The following MAP4K2 variants were observed in gnomAD, a reference collection of about 807,000 sequenced individuals.
The protein encoded by MAP4K2 is B lymphocyte serine/threonine protein kinase.
MAP4K2 carries 85 observed loss-of-function variants against 125.3 expected under a neutral mutation model. The observed-to-expected ratio is 0.68, with a 90% CI of 0.57 to 0.81. The LOEUF (loss-of-function observed/expected upper bound fraction) is 0.81, where lower values mean the gene tolerates loss of function less well. MAP4K2 is among the 40% of genes least tolerant of loss of function. The pLI, the probability that MAP4K2 is intolerant of heterozygous loss-of-function variation, is 0.00. For synonymous variants in MAP4K2, 479 were observed against 445.1 expected, an observed-to-expected ratio of 1.08 and a Z score of -0.96; for missense variants, 923 against 1,056.4, an observed-to-expected ratio of 0.87 and a Z score of 1.75.
chr11:64,789,374 T>A lies in MAP4K2; in HGVS notation c.*163A>T. The A allele has an allele frequency of 1.6e-6, 1 of 638,018 alleles. No homozygotes were observed. 39.5% of individuals were successfully genotyped at this position (638,018 alleles called of 1,614,324 possible). A position where few individuals can be genotyped will look rare whatever the true frequency, so the allele number is the denominator to read the frequency against. ...ATTGCAGAGGCGTCGGGGGCTCCCC[T>A]CCCTCCCCAGGCCTGAAACATTTCT... On this transcript the variant is annotated 3_prime_UTR_variant, in exon 32 of 32. Transcript: ENST00000294066.
rs1419203936 is a variant in MAP4K2, at chr11:64,803,179, G to C, written c.-30C>G. 6.6e-6 allele frequency: 7 copies of C among 1,061,246 alleles called. No homozygotes were observed. The highest frequency in any genetic ancestry group is 8.1e-6 in the Non-Finnish European group (7 of 868,582). 65.7% of individuals were successfully genotyped at this position (1,061,246 alleles called of 1,614,324 possible). On this transcript the variant is annotated 5_prime_UTR_variant, in exon 1 of 32. Coordinates refer to ENST00000294066, the MANE Select transcript of MAP4K2 (RefSeq NM_004579.5). ...CGGCGCCGGGCGGGCCGGCAGGCGG[G>C]CGGGCGCGAGCTGCGGAGCCGGCGC... is the stretch of plus-strand genomic sequence containing the variant.
chr11:64,799,646 CCCCGG>C lies in MAP4K2; in HGVS notation c.948_952del (p.Arg317AlafsTer28). The C allele has an allele frequency of 6.2e-7, 1 of 1,613,972 alleles. No individual in the cohort carries two copies. Among genetic ancestry groups the C allele is most frequent in the Non-Finnish European group, 8.5e-7 (1 of 1,180,024 alleles). On this transcript the variant is annotated frameshift_variant, in exon 13 of 32. Coordinates refer to ENST00000294066, the MANE Select transcript of MAP4K2 (RefSeq NM_004579.5). LOFTEE classifies it high-confidence loss of function. ...GGTCCTCTCGGCTGGGCCGTGCTGC[CCCCGG>C]GAGTGAATGGTGTCTGGAAACATGT...
At chr11:64,797,406 C>T (rs1010472547) in intron 17 of MAP4K2, 26 bp from the exon 18 acceptor site, 14 of 1,562,604 alleles carry the variant, frequency 9.0e-6, no homozygotes, top group African/African-American at 2.7e-5. Context: ...GGGCCCAGCC[C>T]GGCCGTTACC....
intron 12 of MAP4K2, 90 bp downstream of exon 12, chr11:64,800,019 G>A: frequency 1.4e-5 from 15 of 1,081,090 alleles, no homozygotes; most frequent in Non-Finnish European, 1.9e-5. Flanking sequence ...AGCTGGAATG[G>A]TGCCAGTTAA....
At chr11:64,799,282 G>T in intron 14 of MAP4K2, 139 bp downstream of exon 14, 1 of 1,007,848 alleles carries the variant, frequency 9.9e-7, no homozygotes, top group Non-Finnish European at 1.5e-6. Context: ...GGGTAGGACA[G>T]GCTTGCTTGG....
chr11:64,790,109 T>C, intron 29 of MAP4K2, 79 bp downstream of exon 29: 1 of 1,567,102 alleles, frequency 6.4e-7, no homozygotes, highest in Non-Finnish European at 8.8e-7. Flanking sequence ...CTCCTCATCC[T>C]ACCGCCAGCC....
At position 64,792,292 on chromosome 11, in the gene MAP4K2, C is replaced by T; in HGVS notation, c.1811-17G>A. The T allele has an allele frequency of 6.2e-7, 1 of 1,602,272 alleles. No homozygotes were observed. The highest frequency in any genetic ancestry group is 8.5e-7 in the Non-Finnish European group (1 of 1,175,076). On this transcript the variant is annotated splice_polypyrimidine_tract_variant and intron_variant, in intron 25 of 31. Coordinates refer to ENST00000294066, the MANE Select transcript of MAP4K2 (RefSeq NM_004579.5). ...GGTTCCGCACTGGCAGGGGAGCAGG[C>T]AGTGGGCACCGGGCTGGGCCTGCGC...
rs1002990545 is a variant in MAP4K2, at chr11:64,786,733, G to A, written c.*2804C>T. 2.0e-5 allele frequency: 3 copies of A among 152,174 alleles called. No homozygotes were observed. The highest frequency in any genetic ancestry group is 4.4e-5 in the Non-Finnish European group (3 of 68,034). 9.4% of individuals were successfully genotyped at this position (152,174 alleles called of 1,614,324 possible). A position where few individuals can be genotyped will look rare whatever the true frequency, so the allele number is the denominator to read the frequency against. On this transcript the variant is annotated 3_prime_UTR_variant, in exon 32 of 32. Transcript: ENST00000294066. ...GCTGCTTCCAGGAACTTATCTTCTA[G>A]AAGTGCTTGAATATGTACAGAGGGG...
chr11:64,802,866 G>T lies in MAP4K2; in HGVS notation c.154+19C>A, dbSNP rs1424747763. 6.3e-7 allele frequency: 1 copy of T among 1,596,152 alleles called. No individual in the cohort carries two copies. The highest frequency in any genetic ancestry group is 1.7e-5 in the Admixed American group (1 of 59,026). ...GCTCTGCCCTTCCTCTGGCGCAGAGGCCCGACCCGGGCCCTCACCTGGGTC... is the reference window on the plus strand; with the variant it reads ...GCTCTGCCCTTCCTCTGGCGCAGAGTCCCGACCCGGGCCCTCACCTGGGTC... On this transcript the variant is annotated intron_variant, in intron 2 of 31. Coordinates refer to ENST00000294066, the MANE Select transcript of MAP4K2 (RefSeq NM_004579.5).
intron 7 of MAP4K2, 51 bp downstream of exon 7, chr11:64,801,528 C>T (rs1143937): frequency 0.12 from 185,545 of 1,604,064 alleles, 13,621 homozygotes; most frequent in East Asian, 0.3. Context: ...CCAGGGTAGC[C>T]GGGGAGGGTC....
At chr11:64,795,894 T>C (rs1372582936) in intron 24 of MAP4K2, among the ~76,000 whole-genome samples, 1 of 151,252 alleles carries the variant, frequency 6.6e-6, no homozygotes, top group African/African-American at 2.5e-5. Context: ...TGGGAATCCT[T>C]GAAAGCAAGG....
In MAP4K2 at chr11:64,790,275, C is replaced by T; in HGVS notation, c.2162-1G>A. The T allele has an allele frequency of 1.2e-6, 2 of 1,614,178 alleles. No homozygotes were observed. Among genetic ancestry groups the T allele is most frequent in the Non-Finnish European group, 1.7e-6 (2 of 1,180,014 alleles). ...TGCATGTTGACAATCCTCACACAGCCTGCACAGGGAAGGAATTGGTGAGTG... is the reference window on the plus strand; with the variant it reads ...TGCATGTTGACAATCCTCACACAGCTTGCACAGGGAAGGAATTGGTGAGTG... On this transcript the variant is annotated splice_acceptor_variant, in intron 28 of 31. Transcript: ENST00000294066. LOFTEE classifies it high-confidence loss of function.
chr11:64,793,747 T>C (rs1940632618), intron 24 of MAP4K2, among the ~76,000 whole-genome samples: 1 of 152,230 alleles, frequency 6.6e-6, no homozygotes, highest in South Asian at 2.1e-4. Context: ...TTTGTATTTG[T>C]TTTTTCTCCA....
chr11:64,794,067 G>C (rs1320233326), intron 24 of MAP4K2, among the ~76,000 whole-genome samples: 1 of 152,132 alleles, frequency 6.6e-6, no homozygotes, highest in Non-Finnish European at 1.5e-5. Flanking sequence ...CACCCACCTG[G>C]TCATGACAAT....
At position 64,802,414 on chromosome 11, in the gene MAP4K2, C is replaced by T; in HGVS notation, c.310+5G>A. ...GCCTGCTGGGGCCTGGAGCCCTGGC[C>T]TCACCATGGTAAATCTCCTGCAGGG... On this transcript the variant is annotated splice_donor_5th_base_variant and intron_variant, in intron 4 of 31. Transcript: ENST00000294066. The T allele has an allele frequency of 6.7e-7, 1 of 1,491,424 alleles. No individual in the cohort carries two copies. Among genetic ancestry groups the T allele is most frequent in the Non-Finnish European group, 8.9e-7 (1 of 1,120,422 alleles). 92.4% of individuals were successfully genotyped at this position (1,491,424 alleles called of 1,614,324 possible). A position where few individuals can be genotyped will look rare whatever the true frequency, so the allele number is the denominator to read the frequency against.
Position 64,803,133 on chromosome 11 carries a change from T to G in MAP4K2, c.17A>C (p.Asp6Ala). The G allele has an allele frequency of 3.2e-6, 5 of 1,541,630 alleles. No homozygotes were observed. The highest frequency in any genetic ancestry group is 2.6e-5 in the East Asian group (1 of 38,022). Residue 6 changes from aspartate to alanine, a missense_variant, in exon 1 of 32, where the codon GAT becomes GCT. Physicochemically the swap from Asp to Ala is moderately radical, Grantham distance 126. This residue lies in a region of MAP4K2 where 833 missense variants were observed against 911.4 expected (regional missense o/e 0.91). Coordinates refer to ENST00000294066, the MANE Select transcript of MAP4K2 (RefSeq NM_004579.5). Reference sequence around the variant, plus strand: ...GTCCCGCGGGTCCTGCAGCGACACATCCCGCAGCAGCGCCATGGCCCGGCG... The same window carrying G: ...GTCCCGCGGGTCCTGCAGCGACACAGCCCGCAGCAGCGCCATGGCCCGGCG... MALLR[D>A]VSLQDPRDRF... is the part of the protein sequence containing the mutation.
At chr11:64,800,244 G>A (rs1170568811) in intron 11 of MAP4K2, 28 bp from the exon 12 acceptor site, 1 of 1,612,182 alleles carries the variant, frequency 6.2e-7, no homozygotes, top group African/African-American at 1.3e-5. Flanking sequence ...GGGGTGATCA[G>A]GTTGGCCCCT....
chr11:64,799,363 T>TCCGA, intron 14 of MAP4K2, 58 bp downstream of exon 14: 1 of 1,595,630 alleles, frequency 6.3e-7, no homozygotes, highest in South Asian at 1.1e-5. Context: ...TCGGCCTCCA[T>TCCGA]CCGACCTCCC....
intron 15 of MAP4K2, among the ~76,000 whole-genome samples, chr11:64,798,462 C>T (rs1295051597): frequency 1.3e-5 from 2 of 152,092 alleles, no homozygotes; most frequent in Admixed American, 1.3e-4. Flanking sequence ...CCACAGCCAG[C>T]CTAATTTTTG....
Sources: gnomAD v4.1 joint callset for allele counts (sites outside exome capture counted in the v4.1 genomes callset) on GRCh38, gnomAD v4.1.1 for gene constraint, gnomAD v4.1.1 regional missense constraint, MANE v1.5 for transcripts, NCBI Gene and HGNC (gene_info 2026-07-23, HGNC 2026-07-21) for gene names.